Variants in LRCH2 observed in about 807,000 individuals in gnomAD.
The protein encoded by LRCH2 is leucine rich repeats and calponin homology domain containing 2.
A neutral mutation model predicts 68.9 loss-of-function variants in LRCH2; 38 were observed. The ratio of observed to expected loss-of-function variants is 0.55; its 90% CI spans 0.43 to 0.72. The LOEUF is 0.72. LRCH2 is among the 30% of genes least tolerant of loss of function. LRCH2 has a pLI of 0.00. For missense variants in LRCH2, 528 were observed against 572.9 expected, an observed-to-expected ratio of 0.92 and a Z score of 0.80; for synonymous variants, 191 against 208.1, an observed-to-expected ratio of 0.92 and a Z score of 0.71.
At chrX:115,132,464 A>G (rs915968345) in intron 14 of LRCH2, among the ~76,000 whole-genome samples, 1 of 111,816 alleles carries the variant, frequency 8.9e-6, no homozygotes, top group Non-Finnish European at 1.9e-5. Context: ...TTACATACGC[A>G]GCATTATCTT....
At chrX:115,140,083 A>G (rs1431447057) in intron 14 of LRCH2, among the ~76,000 whole-genome samples, 6 of 111,113 alleles carry the variant, frequency 5.4e-5, no homozygotes, top group Non-Finnish European at 7.6e-5. Flanking sequence ...GCTCGCAGCA[A>G]TGAGAAAGAG....
intron 6 of LRCH2, among the ~76,000 whole-genome samples, chrX:115,169,257 A>G (rs1391968044): frequency 8.9e-6 from 1 of 112,177 alleles, no homozygotes; most frequent in Non-Finnish European, 1.9e-5. Context: ...AACATATATG[A>G]CATTCAACAA....
chrX:115,217,172 C>A (rs1421022060), intron 1 of LRCH2, among the ~76,000 whole-genome samples: 2 of 111,345 alleles, frequency 1.8e-5, no homozygotes, highest in African/African-American at 3.3e-5. Context: ...ATAGTCTAGA[C>A]TTCATCACTA....
chrX:115,225,834 G>T (rs1169375249), intron 1 of LRCH2, among the ~76,000 whole-genome samples: 1 of 112,046 alleles, frequency 8.9e-6, no homozygotes, highest in Admixed American at 9.5e-5. Context: ...ACAGACATCT[G>T]AAGAAAGGTT....
chrX:115,226,585 C>A (rs1376457811), intron 1 of LRCH2, among the ~76,000 whole-genome samples: 1 of 110,958 alleles, frequency 9.0e-6, no homozygotes, highest in Non-Finnish European at 1.9e-5. Context: ...AGAGGAGAAT[C>A]TGAACAATGA....
intron 14 of LRCH2, among the ~76,000 whole-genome samples, chrX:115,140,354 C>T (rs2072325878): frequency 9.2e-6 from 1 of 108,743 alleles, no homozygotes; most frequent in South Asian, 4.1e-4. Flanking sequence ...GAATAACCAG[C>T]AGAAATACCC....
At chrX:115,122,984 T>C (rs1603021230) in intron 18 of LRCH2, 87 bp from the exon 19 acceptor site, 1 of 1,089,083 alleles carries the variant, frequency 9.2e-7, no homozygotes, top group East Asian at 3.2e-5. Context: ...ATCCAAACAT[T>C]TTAAGGAGCA....
intron 5 of LRCH2, among the ~76,000 whole-genome samples, chrX:115,176,406 C>T (rs1556550322): frequency 2.7e-5 from 3 of 111,700 alleles, no homozygotes; most frequent in Non-Finnish European, 5.6e-5. Context: ...ATTTACATTT[C>T]CCTGATGATT....
At chrX:115,195,720 G>T (rs2072882578) in intron 1 of LRCH2, among the ~76,000 whole-genome samples, 1 of 111,409 alleles carries the variant, frequency 9.0e-6, no homozygotes, top group South Asian at 3.8e-4. Context: ...CTGGGAACTG[G>T]CAATGAATCC....
intron 10 of LRCH2, among the ~76,000 whole-genome samples, chrX:115,164,663 T>G (rs1305043031): frequency 1.8e-5 from 2 of 111,336 alleles, no homozygotes. Context: ...GCTAAGTGGT[T>G]TTAGGCATAA....
intron 20 of LRCH2, among the ~76,000 whole-genome samples, chrX:115,117,919 C>T (rs2147340406): frequency 9.1e-6 from 1 of 109,688 alleles, no homozygotes; most frequent in Non-Finnish European, 1.9e-5. Context: ...TTTATATGCC[C>T]TATATTGTAT....
intron 14 of LRCH2, among the ~76,000 whole-genome samples, chrX:115,148,051 T>C (rs945683367): frequency 1.2e-4 from 13 of 105,600 alleles, no homozygotes; most frequent in African/African-American, 3.2e-4. Flanking sequence ...GTCTGGGCAA[T>C]AGAGAGAGAC....
chrX:115,205,132 G>A (rs1240345110), intron 1 of LRCH2, among the ~76,000 whole-genome samples: 1 of 111,599 alleles, frequency 9.0e-6, no homozygotes, highest in Non-Finnish European at 1.9e-5. Context: ...GGAGGAGAAT[G>A]CTACACACTT....
rs184092344 is a variant in LRCH2 at position 115,171,162 on chromosome X, T to A, written c.865-730A>T. Among the ~76,000 whole-genome samples the A allele has an allele frequency of 4.5e-5, 5 of 111,644 alleles. No individual in the cohort carries two copies. In the East Asian group the frequency reaches 1.4e-3, roughly 31 times the overall value. On this transcript the variant is annotated intron_variant, in intron 5 of 20. Transcript: ENST00000317135. ...ATCAAATAAATATTTCTCAAAATTC[T>A]AATAAAAAATGTAACATTTTATGGG...
intron 2 of LRCH2, among the ~76,000 whole-genome samples, chrX:115,185,316 A>C (rs921931204): frequency 2.1e-4 from 24 of 111,787 alleles, no homozygotes; most frequent in Non-Finnish European, 3.6e-4. Context: ...AATAGTCACA[A>C]AGAGTTTAAG....
intron 20 of LRCH2, among the ~76,000 whole-genome samples, chrX:115,119,170 G>A (rs1486439564): frequency 6.4e-5 from 7 of 109,779 alleles, no homozygotes; most frequent in East Asian, 2.9e-4. Flanking sequence ...TCTGGCCAGG[G>A]CAATTAGGCA....
Position 115,165,590 on chromosome X carries a change from C to T in LRCH2, c.1264G>A (p.Ala422Thr), listed in dbSNP as rs1556544318. ...AATGATACAAATGATCCAATATGTG[C>T]ATTTCCCTGTTCAGGAACTGCTACA... ...EDVAVPEQGN[A>T]HIGSFVSFFK... The change falls in exon 9 of 21, where the codon GCA becomes ACA. Residue 422 changes from alanine (A) to threonine (T), a missense_variant. Coordinates refer to ENST00000317135, the MANE Select transcript of LRCH2 (RefSeq NM_020871.4). 1 of 1,167,335 alleles carries T rather than the reference C, an allele frequency of 8.6e-7. No homozygotes were observed. Among genetic ancestry groups the T allele is most frequent in the South Asian group, 1.9e-5 (1 of 52,227 alleles).
At chrX:115,213,147 C>G in intron 1 of LRCH2, among the ~76,000 whole-genome samples, 1 of 111,030 alleles carries the variant, frequency 9.0e-6, no homozygotes, top group Non-Finnish European at 1.9e-5. Context: ...CAAAGCTGTT[C>G]ACTGTACCAA....
chrX:115,131,253 C>CG (rs1556530041), intron 14 of LRCH2, among the ~76,000 whole-genome samples: 1 of 84,913 alleles, frequency 1.2e-5, no homozygotes, highest in African/African-American at 5.6e-5. Context: ...CAATCCCTCC[C>CG]CCCCCCTCCA....
Sources: gnomAD v4.1 joint callset for allele counts (sites outside exome capture counted in the v4.1 genomes callset) on GRCh38, gnomAD v4.1.1 for gene constraint, MANE v1.5 for transcripts, NCBI Gene and HGNC (gene_info 2026-07-23, HGNC 2026-07-21) for gene names.